Variants in ENTPD1 observed in about 807,000 individuals in gnomAD.
The protein encoded by ENTPD1 is ATP diphosphohydrolase.
A neutral mutation model predicts 57.0 loss-of-function variants in ENTPD1; 33 were observed. The ratio of observed to expected loss-of-function variants is 0.58; its 90% confidence interval spans 0.44 to 0.77. The LOEUF (loss-of-function observed/expected upper bound fraction) is 0.77, where lower values mean the gene tolerates loss of function less well. Ranked by LOEUF, ENTPD1 falls within the 30% of genes least tolerant of loss-of-function variation. ENTPD1 has a pLI of 0.00. For synonymous variants in ENTPD1, 202 were observed against 218.8 expected, an observed-to-expected ratio of 0.92 and a Z score of 0.68; for missense variants, 501 against 603.4, an observed-to-expected ratio of 0.83 and a Z score of 1.78.
At chr10:95,865,134 C>T (rs1050148271) in intron 9 of ENTPD1, among the ~76,000 whole-genome samples, 4 of 152,172 alleles carry the variant, frequency 2.6e-5, no homozygotes, top group Admixed American at 2.0e-4. Flanking sequence ...AAACACAAAA[C>T]GAGATATATT....
chr10:95,846,058 T>G (rs1179307754), intron 6 of ENTPD1: 1 of 193,160 alleles, frequency 5.2e-6, no homozygotes, highest in Non-Finnish European at 1.1e-5. Flanking sequence ...AATTGACACT[T>G]CAAATCTTGT....
chr10:95,807,073 G>C (rs560568939), intron 1 of ENTPD1, among the ~76,000 whole-genome samples: 6 of 152,224 alleles, frequency 3.9e-5, no homozygotes, highest in African/African-American at 1.4e-4. Context: ...TAAGTCTGCC[G>C]AAGTTGTCTG....
At chr10:95,793,212 C>T (rs933883852) in intron 1 of ENTPD1, among the ~76,000 whole-genome samples, 1 of 152,196 alleles carries the variant, frequency 6.6e-6, no homozygotes, top group Non-Finnish European at 1.5e-5. Flanking sequence ...ACTAGGACTG[C>T]TTCTAAAAAG....
intron 1 of ENTPD1, among the ~76,000 whole-genome samples, chr10:95,805,466 A>G (rs937667908): frequency 2.0e-5 from 3 of 152,192 alleles, no homozygotes; most frequent in Admixed American, 2.0e-4. Flanking sequence ...TATGTCTTTT[A>G]ATTGGGACAT....
chr10:95,726,527 G>GAATAT (rs1400086519), intron 1 of ENTPD1, among the ~76,000 whole-genome samples: 1 of 151,984 alleles, frequency 6.6e-6, no homozygotes, highest in Non-Finnish European at 1.5e-5. Flanking sequence ...CATTCCTCAA[G>GAATAT]AATATTTGTG....
chr10:95,704,295 C>G, the ENTPD1 span, among the ~76,000 whole-genome samples: 1 of 152,014 alleles, frequency 6.6e-6, no homozygotes, highest in Non-Finnish European at 1.5e-5. Context: ...ATGCTGATTT[C>G]AAATTTACGT....
intron 1 of ENTPD1, among the ~76,000 whole-genome samples, chr10:95,767,076 G>A (rs1454683009): frequency 6.6e-6 from 1 of 151,706 alleles, no homozygotes; most frequent in Non-Finnish European, 1.5e-5. Flanking sequence ...ACAGGGTCTT[G>A]TTATGTTGCC....
chr10:95,825,621 A>G (rs1367220952), intron 2 of ENTPD1, among the ~76,000 whole-genome samples: 1 of 152,170 alleles, frequency 6.6e-6, no homozygotes, highest in Non-Finnish European at 1.5e-5. Context: ...TCTGTCGCCC[A>G]GGCTGGAGTG....
At chr10:95,743,026 T>C (rs2098002105) in intron 1 of ENTPD1, among the ~76,000 whole-genome samples, 1 of 152,228 alleles carries the variant, frequency 6.6e-6, no homozygotes. Flanking sequence ...CTAAAGTCCA[T>C]ACTTTATTCA....
At chr10:95,709,109 A>G (rs533490264), upstream of ENTPD1, among the ~76,000 whole-genome samples, 6 of 152,308 alleles carry the variant, frequency 3.9e-5, no homozygotes, top group African/African-American at 1.4e-4. Context: ...GCATGAAGTT[A>G]TAGGAAATTG....
At chr10:95,819,801 A>G (rs915721892) in intron 1 of ENTPD1, among the ~76,000 whole-genome samples, 1 of 152,250 alleles carries the variant, frequency 6.6e-6, no homozygotes, top group Non-Finnish European at 1.5e-5. Context: ...CAGTAAGCCA[A>G]TTCAAAGGGA....
chr10:95,759,965 C>T (rs1041174433), intron 1 of ENTPD1, among the ~76,000 whole-genome samples: 1 of 152,118 alleles, frequency 6.6e-6, no homozygotes, highest in Non-Finnish European at 1.5e-5. Context: ...CTAATGGATA[C>T]GTTCTACCTC....
chr10:95,742,496 G>T (rs536819398), intron 1 of ENTPD1, among the ~76,000 whole-genome samples: 34 of 150,784 alleles, frequency 2.3e-4, no homozygotes, highest in Non-Finnish European at 4.6e-4. Flanking sequence ...AATCAACTTA[G>T]AAACTTTCTT....
chr10:95,826,068 C>T (rs2098375054), intron 2 of ENTPD1, among the ~76,000 whole-genome samples: 1 of 152,096 alleles, frequency 6.6e-6, no homozygotes, highest in African/African-American at 2.4e-5. Flanking sequence ...AGGCACTGGG[C>T]TACACAATAG....
chr10:95,823,754 A>G lies in ENTPD1; in HGVS notation c.144+390A>G, dbSNP rs1041219677. 5.9e-5 allele frequency among the ~76,000 whole-genome samples: 9 copies of G among 152,180 alleles called. No homozygotes were observed. In the South Asian group the frequency reaches 1.9e-3, roughly 32 times the overall value. Reference sequence around the variant, plus strand: ...TGCACTCTGTTCTTTTTACTTCATTATTATCACTATCACCAAAACAATAAC... The same window carrying G: ...TGCACTCTGTTCTTTTTACTTCATTGTTATCACTATCACCAAAACAATAAC... On this transcript the variant is annotated intron_variant, in intron 2 of 9. Transcript: ENST00000371205.
chr10:95,729,755 G>A (rs1461973175), intron 1 of ENTPD1, among the ~76,000 whole-genome samples: 1 of 152,072 alleles, frequency 6.6e-6, no homozygotes, highest in Non-Finnish European at 1.5e-5. Context: ...CCTAGTAGTG[G>A]TACATTTAAA....
At chr10:95,755,679 T>A, upstream of ENTPD1, 1 of 1,537,052 alleles carries the variant, frequency 6.5e-7, no homozygotes, top group Non-Finnish European at 8.7e-7. Flanking sequence ...TAATGAGCCT[T>A]GAGAAAGGAT....
In ENTPD1 at chr10:95,721,070, T is replaced by C. The variant is rs148236723; in HGVS notation, c.37+9077T>C. On this transcript the variant is annotated intron_variant, in intron 1 of 9. Transcript: ENST00000453258. The stretch of plus-strand genomic sequence containing the variant: ...TTTTTTATGTCTGCAGCTGACTGAC[T>C]GATAAACTTATCCTTTAAGACTAGT... 5.4e-3 allele frequency among the ~76,000 whole-genome samples: 820 copies of C among 152,336 alleles called. 7 individuals carry two copies. Among genetic ancestry groups the C allele is most frequent in the Middle Eastern group, 0.01 (3 of 294 alleles).
chr10:95,695,104 A>AT, the ENTPD1 span, among the ~76,000 whole-genome samples: 1 of 151,860 alleles, frequency 6.6e-6, no homozygotes, highest in Non-Finnish European at 1.5e-5. Flanking sequence ...GGGTTTCACC[A>AT]TGTTGTCCAG....
Sources: gnomAD v4.1 joint callset for allele counts (sites outside exome capture counted in the v4.1 genomes callset) on GRCh38, gnomAD v4.1.1 for gene constraint, MANE v1.5 for transcripts, NCBI Gene and HGNC (gene_info 2026-07-23, HGNC 2026-07-21) for gene names.